Variants in DAG1 observed in about 807,000 individuals in gnomAD.
DAG1 encodes the protein dystroglycan 1 (dystrophin-associated glycoprotein 1).
Under a neutral mutation model 46.1 loss-of-function variants are expected in DAG1, and 8 were observed. The observed-to-expected ratio is 0.17, with a 90% confidence interval of 0.10 to 0.31. The LOEUF (loss-of-function observed/expected upper bound fraction) is 0.31, where lower values mean the gene tolerates loss of function less well. Among genes scored for constraint, DAG1 ranks in the 10% least tolerant of loss-of-function variants. The pLI is 1.00. For missense variants in DAG1, 1,003 were observed against 1,189.9 expected (o/e 0.84, Z 2.31); for synonymous variants, 495 against 481.8 (o/e 1.03, Z -0.36).
At chr3:49,517,484 A>G (rs537313487) in intron 2 of DAG1, among the ~76,000 whole-genome samples, 1 of 152,246 alleles carries the variant, frequency 6.6e-6, no homozygotes, top group African/African-American at 2.4e-5. Flanking sequence ...TGGAAGAGAG[A>G]GACACACTGG....
rs138689783 is a variant in DAG1, at chr3:49,514,805, ATGTGTGTG to A, written c.285+4010_285+4017del. ...AGGCTTGAACCACCACTCCTGGCATATGTGTGTGTGTGTGTGTGTGTGTGTGTGTGTAC... is the reference window on the plus strand; with the variant it reads ...AGGCTTGAACCACCACTCCTGGCATATGTGTGTGTGTGTGTGTGTGTGTAC... On this transcript the variant is annotated intron_variant, in intron 2 of 2. Coordinates refer to ENST00000308775, the MANE Select transcript of DAG1 (RefSeq NM_004393.6). Among the ~76,000 whole-genome samples the A allele has an allele frequency of 8.2e-5, 12 of 145,532 alleles. No homozygotes were observed. In the South Asian group the frequency reaches 1.1e-3, roughly 13 times the overall value.
In DAG1 at chr3:49,531,599, C is replaced by T. The variant is rs2051348754; in HGVS notation, c.1088C>T (p.Pro363Leu). 1.9e-6 allele frequency: 3 copies of T among 1,613,050 alleles called. No individual in the cohort carries two copies. The highest frequency in any genetic ancestry group is 1.7e-5 in the Admixed American group (1 of 59,986). The change falls in exon 3 of 3, where the codon CCT becomes CTT. Residue 363 changes from proline to leucine, a missense_variant. Coordinates refer to ENST00000308775, the MANE Select transcript of DAG1 (RefSeq NM_004393.6). The surrounding 1 kb of genome is among the most constrained non-coding windows in gnomAD (Gnocchi z 7.0). ...TMAPPVRDPV[P>L]GKPTVTIRTR... is the part of the protein sequence containing the mutation. Reference sequence around the variant, plus strand: ...GCTCCTCCAGTCAGGGATCCTGTTCCTGGGAAACCCACGGTCACCATCCGG... The same window carrying T: ...GCTCCTCCAGTCAGGGATCCTGTTCTTGGGAAACCCACGGTCACCATCCGG...
upstream of DAG1, among the ~76,000 whole-genome samples, chr3:49,469,391 G>T (rs969699637): frequency 6.6e-6 from 1 of 152,178 alleles, no homozygotes; most frequent in African/African-American, 2.4e-5. Flanking sequence ...TTGGGGTGGG[G>T]GGCTGCAGGT....
In DAG1 at chr3:49,490,955, G is replaced by C. The variant is rs1175802185; in HGVS notation, c.-116-19464G>C. On this transcript the variant is annotated intron_variant, in intron 1 of 2. Coordinates refer to ENST00000308775, the MANE Select transcript of DAG1 (RefSeq NM_004393.6). ...GGTTGGAGTGCAGTGGCACGATCTT[G>C]GCTCACTGCAACTTCTGCCTCCCAG... Among the ~76,000 whole-genome samples the C allele has an allele frequency of 2.2e-5, 3 of 137,352 alleles. No homozygotes were observed. In the East Asian group the frequency reaches 6.6e-4, roughly 30 times the overall value. The allele number at this position is 137,352 out of a possible 152,430, so 90.1% of individuals were successfully genotyped here.
intron 1 of DAG1, among the ~76,000 whole-genome samples, chr3:49,491,055 T>A (rs1254803701): frequency 6.6e-6 from 1 of 151,844 alleles, no homozygotes; most frequent in East Asian, 1.9e-4. Flanking sequence ...CCTGGCTAAT[T>A]TTTGTACTTT....
intron 1 of DAG1, among the ~76,000 whole-genome samples, chr3:49,497,408 GC>G (rs1326627298): frequency 1.4e-5 from 2 of 145,276 alleles, no homozygotes; most frequent in African/African-American, 5.1e-5. Flanking sequence ...ATGCACTCCA[GC>G]CTGGGTGACA....
At chr3:49,506,732 G>A (rs752771288) in intron 1 of DAG1, among the ~76,000 whole-genome samples, 3 of 151,926 alleles carry the variant, frequency 2.0e-5, no homozygotes, top group South Asian at 2.1e-4. Context: ...AAAGACTTTC[G>A]TGTCTGTTTT....
upstream of DAG1, among the ~76,000 whole-genome samples, chr3:49,469,535 T>TA (rs2049451933): frequency 6.6e-6 from 1 of 151,978 alleles, no homozygotes; most frequent in Non-Finnish European, 1.5e-5. Flanking sequence ...GCCTGCGAGT[T>TA]AGAGCTATTT....
intron 1 of DAG1, among the ~76,000 whole-genome samples, chr3:49,478,467 T>G (rs2049756549): frequency 2.2e-5 from 3 of 136,320 alleles, no homozygotes; most frequent in African/African-American, 2.7e-5. Context: ...TAGTTGAGTG[T>G]GGTGGCACGT....
chr3:49,515,931 A>G (rs2050885675), intron 2 of DAG1, among the ~76,000 whole-genome samples: 1 of 152,070 alleles, frequency 6.6e-6, no homozygotes, highest in African/African-American at 2.4e-5. Flanking sequence ...ACTGAGCTGC[A>G]CCAAGAATCG....
At chr3:49,514,548 G>T (rs1559567078) in intron 2 of DAG1, among the ~76,000 whole-genome samples, 1 of 151,944 alleles carries the variant, frequency 6.6e-6, no homozygotes, top group East Asian at 1.9e-4. Context: ...CCGGCTCACT[G>T]CAACCTCCAC....
At chr3:49,472,793 C>T (rs1402830439) in intron 1 of DAG1, among the ~76,000 whole-genome samples, 2 of 150,476 alleles carry the variant, frequency 1.3e-5, no homozygotes, top group African/African-American at 2.4e-5. Context: ...GGCCACAGAT[C>T]GAGACTCCGT....
At chr3:49,485,609 G>A (rs1256432416) in intron 1 of DAG1, among the ~76,000 whole-genome samples, 1 of 149,026 alleles carries the variant, frequency 6.7e-6, no homozygotes, top group East Asian at 2.0e-4. Flanking sequence ...GTCTACTTAG[G>A]TTGCTTAGAC....
intron 1 of DAG1, among the ~76,000 whole-genome samples, chr3:49,508,034 T>G (rs2107617044): frequency 6.6e-6 from 1 of 152,138 alleles, no homozygotes; most frequent in South Asian, 2.1e-4. Context: ...TGTTAGTAAT[T>G]GTCTTCTCTT....
At chr3:49,516,336 A>G (rs1407390037) in intron 2 of DAG1, among the ~76,000 whole-genome samples, 2 of 152,246 alleles carry the variant, frequency 1.3e-5, no homozygotes, top group African/African-American at 2.4e-5. Flanking sequence ...TGGATTGTCA[A>G]AGCCTGCCTT....
At chr3:49,471,526 G>C (rs1328862187) in intron 1 of DAG1, among the ~76,000 whole-genome samples, 5 of 151,372 alleles carry the variant, frequency 3.3e-5, no homozygotes. Context: ...AAGTTTAGTT[G>C]AACTTTTGTG....
intron 1 of DAG1, chr3:49,470,888 T>TGGTG (rs1384519070): frequency 6.6e-6 from 1 of 152,280 alleles, no homozygotes; most frequent in East Asian, 1.9e-4. Context: ...CTCAGAGCCT[T>TGGTG]GGTGGGTTCC....
intron 1 of DAG1, among the ~76,000 whole-genome samples, chr3:49,478,365 T>G (rs1575338314): frequency 8.1e-6 from 1 of 124,014 alleles, no homozygotes; most frequent in Non-Finnish European, 1.6e-5. Context: ...GAGGCTAAGG[T>G]GGGAGGATTA....
intron 2 of DAG1, among the ~76,000 whole-genome samples, chr3:49,529,572 T>C (rs1477993862): frequency 6.6e-6 from 1 of 152,186 alleles, no homozygotes; most frequent in Non-Finnish European, 1.5e-5. Context: ...GGAAGCATTT[T>C]AGGGTCCCCC....
Sources: gnomAD v4.1 joint callset for allele counts (sites outside exome capture counted in the v4.1 genomes callset) on GRCh38, gnomAD v4.1.1 for gene constraint, Gnocchi (gnomAD v3.1) non-coding constraint, MANE v1.5 for transcripts, NCBI Gene and HGNC (gene_info 2026-07-23, HGNC 2026-07-21) for gene names.